PSD3: variants seen among roughly 807,000 people sequenced by gnomAD.
PSD3 encodes the protein pleckstrin and Sec7 domain containing 3, also known as PH and SEC7 domain-containing protein 3.
A neutral mutation model predicts 105.5 loss-of-function variants in PSD3; 49 were observed. The ratio of observed to expected loss-of-function variants is 0.46; its 90% confidence interval spans 0.37 to 0.59. PSD3 has a LOEUF of 0.59. Ranked by LOEUF, PSD3 falls within the 20% of genes least tolerant of loss-of-function variation. The pLI, the probability that PSD3 is intolerant of heterozygous loss-of-function variation, is 0.00. For missense variants in PSD3, 1,561 were observed against 1,263.8 expected, an observed-to-expected ratio of 1.24 and a Z score of -3.57; for synonymous variants, 557 against 457.8, an observed-to-expected ratio of 1.22 and a Z score of -2.77.
chr8:18,758,342 T>C (rs994650873), intron 9 of PSD3, among the ~76,000 whole-genome samples: 7 of 152,054 alleles, frequency 4.6e-5, no homozygotes, highest in Non-Finnish European at 8.8e-5. Context: ...ATTGTCAGTG[T>C]TAAATTTCCA....
chr8:19,021,443 A>G (rs958091525), intron 1 of PSD3, among the ~76,000 whole-genome samples: 1 of 148,852 alleles, frequency 6.7e-6, no homozygotes. Context: ...CTCACTCCCA[A>G]TTTTTTTTTT....
intron 9 of PSD3, among the ~76,000 whole-genome samples, chr8:18,750,542 G>A (rs1176117131): frequency 6.6e-6 from 1 of 152,082 alleles, no homozygotes; most frequent in Non-Finnish European, 1.5e-5. Context: ...TTATTGCAAA[G>A]AGCGAAAGAA....
intron 4 of PSD3, among the ~76,000 whole-genome samples, chr8:18,844,007 G>T (rs1341169842): frequency 6.6e-6 from 1 of 150,738 alleles, no homozygotes; most frequent in Non-Finnish European, 1.5e-5. Context: ...AAAAAACAAG[G>T]TTAACCCTAC....
chr8:18,640,547 C>A (rs1807569540), intron 10 of PSD3, among the ~76,000 whole-genome samples: 1 of 152,162 alleles, frequency 6.6e-6, no homozygotes, highest in African/African-American at 2.4e-5. Context: ...TCTCATTCTT[C>A]TCCTTCCTGC....
At chr8:18,840,393 C>A (rs1814520479) in intron 4 of PSD3, among the ~76,000 whole-genome samples, 1 of 152,144 alleles carries the variant, frequency 6.6e-6, no homozygotes, top group Admixed American at 6.5e-5. Flanking sequence ...CTTAAATGAA[C>A]CCTAGTTGGT....
chr8:18,670,289 G>C (rs1466497633), intron 9 of PSD3, among the ~76,000 whole-genome samples: 1 of 152,204 alleles, frequency 6.6e-6, no homozygotes, highest in Non-Finnish European at 1.5e-5. Flanking sequence ...GGGCCCAGCT[G>C]TGGTGTGAGC....
At chr8:18,879,048 A>G (rs905903269) in intron 2 of PSD3, among the ~76,000 whole-genome samples, 1 of 138,954 alleles carries the variant, frequency 7.2e-6, no homozygotes, top group African/African-American at 2.8e-5. Context: ...ACACACACAC[A>G]CAAACACACA....
At chr8:19,070,493 T>A (rs930599329) in intron 1 of PSD3, among the ~76,000 whole-genome samples, 1 of 151,654 alleles carries the variant, frequency 6.6e-6, no homozygotes, top group Non-Finnish European at 1.5e-5. Flanking sequence ...TTGACCAACA[T>A]GGTGAAACGC....
At chr8:18,883,576 T>C (rs1444782500) in intron 2 of PSD3, among the ~76,000 whole-genome samples, 1 of 152,190 alleles carries the variant, frequency 6.6e-6, no homozygotes, top group East Asian at 1.9e-4. Flanking sequence ...AACCTGTATA[T>C]TATTATTTGT....
At chr8:18,545,431 C>A (rs1800398609) in intron 15 of PSD3, among the ~76,000 whole-genome samples, 1 of 151,854 alleles carries the variant, frequency 6.6e-6, no homozygotes, top group Non-Finnish European at 1.5e-5. Context: ...GAAAACACAC[C>A]CTGATTTGAT....
chr8:18,568,858 C>A (rs539045488), intron 14 of PSD3, among the ~76,000 whole-genome samples: 2 of 151,310 alleles, frequency 1.3e-5, no homozygotes, highest in African/African-American at 2.4e-5. Flanking sequence ...CCTCCCCACT[C>A]CCCCGACCCC....
chr8:19,061,382 C>T (rs1035599631), intron 1 of PSD3, among the ~76,000 whole-genome samples: 3 of 152,046 alleles, frequency 2.0e-5, no homozygotes, highest in Non-Finnish European at 4.4e-5. Flanking sequence ...AAACAAAACA[C>T]GCTATTATTA....
At chr8:18,786,298 G>A (rs920254542) in intron 8 of PSD3, among the ~76,000 whole-genome samples, 1 of 152,156 alleles carries the variant, frequency 6.6e-6, no homozygotes, top group Non-Finnish European at 1.5e-5. Flanking sequence ...AAAGGCTACA[G>A]AGTCAAAAGT....
intron 11 of PSD3, among the ~76,000 whole-genome samples, chr8:18,609,345 G>T (rs1805087964): frequency 6.6e-6 from 1 of 152,156 alleles, no homozygotes. Flanking sequence ...AAAATATCTT[G>T]AATTTCCTGA....
intron 4 of PSD3, among the ~76,000 whole-genome samples, chr8:18,855,460 T>C (rs1488125188): frequency 6.6e-6 from 1 of 152,158 alleles, no homozygotes; most frequent in East Asian, 1.9e-4. Context: ...GTTCACATAA[T>C]GAATACTATA....
intron 10 of PSD3, among the ~76,000 whole-genome samples, chr8:18,643,888 A>G (rs2130808107): frequency 6.6e-6 from 1 of 152,304 alleles, no homozygotes; most frequent in Non-Finnish European, 1.5e-5. Flanking sequence ...GGATGCTGCT[A>G]AGGTTTATGG....
In PSD3 at chr8:18,947,120, C is replaced by T. The variant is rs556413498; in HGVS notation, c.22-10978G>A. Reference sequence around the variant, plus strand: ...TAGATATTCCAAAAGTCAGTAACAACATCAAGTAAAAAAGTAAAACTGGGA... The same window carrying T: ...TAGATATTCCAAAAGTCAGTAACAATATCAAGTAAAAAAGTAAAACTGGGA... On this transcript the variant is annotated intron_variant, in intron 1 of 15. Coordinates refer to ENST00000327040, the MANE Select transcript of PSD3 (RefSeq NM_015310.4). Among the ~76,000 whole-genome samples, 86 of 152,150 alleles carry T rather than the reference C, an allele frequency of 5.7e-4. 2 individuals carry two copies. The South Asian group carries it at 0.018, about 31-fold the overall frequency.
intron 2 of PSD3, among the ~76,000 whole-genome samples, chr8:18,895,184 A>C (rs537317036): frequency 6.6e-6 from 1 of 152,330 alleles, no homozygotes; most frequent in South Asian, 2.1e-4. Context: ...CATCCCCTGG[A>C]AAGTTGGGCA....
At chr8:18,587,525 T>A (rs1267251740) in intron 12 of PSD3, among the ~76,000 whole-genome samples, 2 of 152,162 alleles carry the variant, frequency 1.3e-5, no homozygotes, top group African/African-American at 2.4e-5. Context: ...TTCTCTCATA[T>A]CTGCTATTTT....
Sources: allele counts gnomAD v4.1 joint callset (sites outside exome capture counted in the v4.1 genomes callset), GRCh38; gene constraint gnomAD v4.1.1; transcripts MANE v1.5; gene names NCBI Gene and HGNC (gene_info 2026-07-23, HGNC 2026-07-21).